D2HGDH: variants seen among roughly 807,000 people sequenced by gnomAD.
D2HGDH encodes the protein D-2-hydroxyglutarate dehydrogenase, mitochondrial.
A neutral mutation model predicts 46.9 loss-of-function variants in D2HGDH; 31 were observed. The observed-to-expected ratio is 0.66, with a 90% CI of 0.50 to 0.89. The LOEUF is 0.89. D2HGDH is among the 40% of genes least tolerant of loss of function. The pLI, the probability that D2HGDH is intolerant of heterozygous loss-of-function variation, is 0.00. For synonymous variants in D2HGDH, 364 were observed against 332.6 expected, an observed-to-expected ratio of 1.09 and a Z score of -1.03; for missense variants, 698 against 720.8, an observed-to-expected ratio of 0.97 and a Z score of 0.36.
rs928680066 is a variant in D2HGDH, at chr2:241,749,672, G to A, written c.854-479G>A. On this transcript the variant is annotated intron_variant, in intron 6 of 9. Coordinates refer to ENST00000321264, the MANE Select transcript of D2HGDH (RefSeq NM_152783.5). ...TGTGTTTGCAGAATTCCCAAGATAC[G>A]CCCCCTCTGAGTCCCACTGCCGTCT... 2.5e-5 allele frequency: 8 copies of A among 323,546 alleles called. No homozygotes were observed. In the East Asian group the frequency reaches 3.4e-4, roughly 14 times the overall value. 20.0% of individuals were successfully genotyped at this position (323,546 alleles called of 1,614,324 possible). A position where few individuals can be genotyped will look rare whatever the true frequency, so the allele number is the denominator to read the frequency against.
At position 241,744,975 on chromosome 2, in the gene D2HGDH, C is replaced by A. The variant is rs187235818; in HGVS notation, c.853+98C>A. ...GTGTGAGGAAGGGGATGGAGGGACC[C>A]CCCGCCAAGGACAGTCGGTTCCCGT... On this transcript the variant is annotated intron_variant, in intron 6 of 9. Transcript: ENST00000321264. 2,689 of 1,520,120 alleles carry A rather than the reference C, an allele frequency of 1.8e-3. 58 individuals are homozygous for A. In the African/African-American group the frequency reaches 0.034, roughly 19 times the overall value. The allele number at this position is 1,520,120 out of a possible 1,614,324, so 94.2% of individuals were successfully genotyped here.
chr2:241,750,333 C>T lies in D2HGDH; in HGVS notation c.997+39C>T, dbSNP rs112789889. On this transcript the variant is annotated intron_variant, in intron 7 of 9. Coordinates refer to ENST00000321264, the MANE Select transcript of D2HGDH (RefSeq NM_152783.5). ...ACACAGGGGGCAGCTGGTCCTGCAG[C>T]TCCTTCTGCACGTCTGGACACATGG... 200 of 1,563,742 alleles carry T rather than the reference C, an allele frequency of 1.3e-4. No individual in the cohort carries two copies. The African/African-American group carries it at 2.4e-3, about 19-fold the overall frequency.
At chr2:241,739,843 C>T (rs928335035) in intron 2 of D2HGDH, among the ~76,000 whole-genome samples, 2 of 152,212 alleles carry the variant, frequency 1.3e-5, no homozygotes, top group Admixed American at 6.5e-5. Flanking sequence ...AGCCCTCCCT[C>T]GTGGCAGAGT....
chr2:241,737,264 C>G (rs1693174476), intron 2 of D2HGDH, among the ~76,000 whole-genome samples: 1 of 152,244 alleles, frequency 6.6e-6, no homozygotes, highest in African/African-American at 2.4e-5. Flanking sequence ...GCCACCATGC[C>G]CAGCCCCATT....
chr2:241,762,641 T>G (rs959709066), intron 9 of D2HGDH, among the ~76,000 whole-genome samples: 2 of 152,190 alleles, frequency 1.3e-5, no homozygotes, highest in East Asian at 1.9e-4. Context: ...TATCGGCTGC[T>G]GCCAGGGTCC....
intron 2 of D2HGDH, chr2:241,736,047 C>G (rs538076736): frequency 6.2e-6 from 1 of 160,710 alleles, no homozygotes; most frequent in African/African-American, 2.4e-5. Flanking sequence ...AGGCGTGAGC[C>G]ACCCCGCCCT....
rs902737158 is a variant in D2HGDH, at chr2:241,743,356, C to T, written c.491-266C>T. Reference sequence around the variant, plus strand: ...ATCTTCCCTCTTCTACTCCTTTCCACGAGTGTGTGTGGGGGTGGGAAGTTT... The same window carrying T: ...ATCTTCCCTCTTCTACTCCTTTCCATGAGTGTGTGTGGGGGTGGGAAGTTT... On this transcript the variant is annotated intron_variant, in intron 4 of 9. Coordinates refer to ENST00000321264, the MANE Select transcript of D2HGDH (RefSeq NM_152783.5). This position sits in a 1 kb window ranked among gnomAD's most constrained non-coding sequence, Gnocchi z 4.8. 1.3e-5 allele frequency among the ~76,000 whole-genome samples: 2 copies of T among 152,234 alleles called. No individual in the cohort carries two copies. The highest frequency in any genetic ancestry group is 2.9e-5 in the Non-Finnish European group (2 of 68,038).
chr2:241,744,607 C>A, intron 5 of D2HGDH, 102 bp from the exon 6 acceptor site: 1 of 1,405,916 alleles, frequency 7.1e-7, no homozygotes, highest in Non-Finnish European at 1.0e-6. Context: ...AGCCTCTTGG[C>A]ATGACCTCAG....
rs367747872 is a variant in D2HGDH, at chr2:241,755,936, C to T, written c.1228C>T (p.Arg410Trp). 1.4e-5 allele frequency: 22 copies of T among 1,612,162 alleles called. No individual in the cohort carries two copies. The highest frequency in any genetic ancestry group is 1.6e-4 in the Middle Eastern group (1 of 6,084). Residue 410 changes from arginine to tryptophan, a missense_variant, in exon 9 of 10, where the codon CGG (arginine) becomes TGG (tryptophan). Physicochemically the swap from Arg to Trp is moderately radical, Grantham distance 101. Coordinates refer to ENST00000321264, the MANE Select transcript of D2HGDH (RefSeq NM_152783.5). ...YKYDLSLPVE[R>W]LYDIVTDLRA... ...GTACGACCTCTCCCTCCCTGTGGAGCGGCTCTACGACATCGTGACTGACCT... is the reference window on the plus strand; with the variant it reads ...GTACGACCTCTCCCTCCCTGTGGAGTGGCTCTACGACATCGTGACTGACCT...
intron 7 of D2HGDH, among the ~76,000 whole-genome samples, chr2:241,750,790 C>T (rs571513270): frequency 2.6e-5 from 4 of 152,314 alleles, no homozygotes; most frequent in Non-Finnish European, 4.4e-5. Flanking sequence ...ATTCTCCTGC[C>T]TCAGCAGCCT....
intron 1 of D2HGDH, 154 bp from the exon 2 acceptor site, chr2:241,734,979 T>A (rs1000839031): frequency 2.0e-6 from 1 of 510,120 alleles, no homozygotes; most frequent in Non-Finnish European, 3.4e-6. Context: ...GCGTGGGGCT[T>A]CGCGCGCTCG....
chr2:241,755,408 G>GC (rs1402831964), intron 8 of D2HGDH: 11 of 1,306,504 alleles, frequency 8.4e-6, no homozygotes, highest in Non-Finnish European at 1.1e-5. Flanking sequence ...GAGCGTCCAG[G>GC]CCCATTCTCA....
At chr2:241,750,043 C>T in intron 6 of D2HGDH, 108 bp from the exon 7 acceptor site, 2 of 1,563,906 alleles carry the variant, frequency 1.3e-6, no homozygotes, top group South Asian at 1.1e-5. Context: ...CGTGGCTGCC[C>T]AGCTCACCCA....
chr2:241,756,647 G>A (rs530742584), intron 9 of D2HGDH, among the ~76,000 whole-genome samples: 11 of 152,236 alleles, frequency 7.2e-5, no homozygotes, highest in South Asian at 2.1e-4. Flanking sequence ...CCAGCCTCCC[G>A]AGTCTCTGGG....
chr2:241,758,235 A>T (rs1000442431), intron 9 of D2HGDH, among the ~76,000 whole-genome samples: 1 of 152,148 alleles, frequency 6.6e-6, no homozygotes. Context: ...TCTTCTGTCC[A>T]TGCTGGATTT....
rs1329551740 is a variant in D2HGDH, at chr2:241,740,530, G to T, written c.293-503G>T. 2.6e-5 allele frequency among the ~76,000 whole-genome samples: 4 copies of T among 152,294 alleles called. 1 individual carries two copies. Among genetic ancestry groups the T allele is most frequent in the Middle Eastern group, 6.8e-3 (2 of 294 alleles). Reference sequence around the variant, plus strand: ...ACCTCCCATGTGGGACCTAGTTTTGGTTTTTTTGAGATGGCTTCTTGCTCT... The same window carrying T: ...ACCTCCCATGTGGGACCTAGTTTTGTTTTTTTTGAGATGGCTTCTTGCTCT... On this transcript the variant is annotated intron_variant, in intron 2 of 9. Transcript: ENST00000321264.
At chr2:241,760,041 C>A (rs571115581) in intron 9 of D2HGDH, among the ~76,000 whole-genome samples, 14 of 145,534 alleles carry the variant, frequency 9.6e-5, no homozygotes, top group East Asian at 6.3e-4. Context: ...CGAAGGACTT[C>A]GCCACAGCGT....
intron 9 of D2HGDH, among the ~76,000 whole-genome samples, chr2:241,764,367 A>G (rs1290699999): frequency 6.6e-6 from 1 of 152,260 alleles, no homozygotes; most frequent in Non-Finnish European, 1.5e-5. Context: ...CATGACGTGC[A>G]TGTTTCACGT....
At chr2:241,735,661 G>A (rs1411906769) in intron 2 of D2HGDH, 145 bp downstream of exon 2, 2 of 1,142,058 alleles carry the variant, frequency 1.8e-6, no homozygotes, top group African/African-American at 1.5e-5. Flanking sequence ...ACCGCCACAG[G>A]CTGCTGGAAT....
Sources: gnomAD v4.1 joint callset for allele counts (sites outside exome capture counted in the v4.1 genomes callset) on GRCh38, gnomAD v4.1.1 for gene constraint, Gnocchi (gnomAD v3.1) non-coding constraint, MANE v1.5 for transcripts, NCBI Gene and HGNC (gene_info 2026-07-23, HGNC 2026-07-21) for gene names.